Variants in SLC16A13 observed in about 807,000 individuals in gnomAD.
SLC16A13 encodes monocarboxylate transporter 13.
Under a neutral mutation model 28.1 loss-of-function variants are expected in SLC16A13, and 28 were observed. The ratio of observed to expected loss-of-function variants is 1.00; its 90% CI spans 0.74 to 1.37. SLC16A13 has a LOEUF of 1.37. Ranked by LOEUF, SLC16A13 falls within the 40% of genes most tolerant of loss-of-function variation. The probability of loss-of-function intolerance (pLI) is 0.00; values close to 1 mark genes in which losing one functional copy is unlikely to be tolerated. For missense variants in SLC16A13, 482 were observed against 531.8 expected (o/e 0.91, Z 0.92); for synonymous variants, 228 against 241.6 (o/e 0.94, Z 0.52).
In SLC16A13 at chr17:7,039,031, T is replaced by G. The variant is rs1910658444; in HGVS notation, c.1081+142T>G. On this transcript the variant is annotated intron_variant, in intron 3 of 3. Coordinates refer to ENST00000308027, the MANE Select transcript of SLC16A13 (RefSeq NM_201566.3). The surrounding 1 kb of genome is among the most constrained non-coding windows in gnomAD (Gnocchi z 4.3). ...CCTGCGTGGCCAACCATAGCATCCC[T>G]GAAATGGGTCCATGGGGCAAAGAAC... is the stretch of plus-strand genomic sequence containing the variant. 18 of 1,141,854 alleles carry G rather than the reference T, an allele frequency of 1.6e-5. No individual in the cohort carries two copies. The highest frequency in any genetic ancestry group is 1.4e-5 in the Non-Finnish European group (12 of 831,400). 70.7% of individuals were successfully genotyped at this position (1,141,854 alleles called of 1,614,324 possible). A position where few individuals can be genotyped will look rare whatever the true frequency, so the allele number is the denominator to read the frequency against.
Position 7,039,667 on chromosome 17 carries a change from AGAT to A in SLC16A13, c.1082-92_1082-90del. 1 of 1,290,340 alleles carries A rather than the reference AGAT, an allele frequency of 7.7e-7. No homozygotes were observed. 79.9% of individuals were successfully genotyped at this position (1,290,340 alleles called of 1,614,324 possible). On this transcript the variant is annotated intron_variant, in intron 3 of 3. Coordinates refer to ENST00000308027, the MANE Select transcript of SLC16A13 (RefSeq NM_201566.3). This position sits in a 1 kb window ranked among gnomAD's most constrained non-coding sequence, Gnocchi z 4.3. ...TTCCATGGGAGTTCCAACTCCTCTG[AGAT>A]GATAAGTCTTCCCTCCACCCAAAAA...
rs758503204 is a variant in SLC16A13 at position 7,036,427 on chromosome 17, G to A, written c.45G>A (p.Val15=). The change falls in exon 1 of 4, where the codon GTG becomes GTA. Residue 15 remains valine (V), a synonymous_variant. Transcript: ENST00000308027. The part of the protein sequence containing the change: ...TEPPDGGWGW[V]VVLSAFFQSA... ...CCCCCGACGGGGGCTGGGGATGGGT[G>A]GTGGTGCTCTCAGCGTTCTTCCAGT... 1.9e-6 allele frequency: 3 copies of A among 1,612,238 alleles called. No individual in the cohort carries two copies. The South Asian group carries it at 3.3e-5, about 18-fold the overall frequency.
chr17:7,036,302 G>A lies in SLC16A13; in HGVS notation c.-81G>A, dbSNP rs1910576906. 2.8e-6 allele frequency: 4 copies of A among 1,419,924 alleles called. No individual in the cohort carries two copies. Among genetic ancestry groups the A allele is most frequent in the Non-Finnish European group, 2.9e-6 (3 of 1,047,882 alleles). The allele number at this position is 1,419,924 out of a possible 1,614,324, so 88.0% of individuals were successfully genotyped here. A position where few individuals can be genotyped will look rare whatever the true frequency, so the allele number is the denominator to read the frequency against. On this transcript the variant is annotated 5_prime_UTR_variant, in exon 1 of 4. Coordinates refer to ENST00000308027, the MANE Select transcript of SLC16A13 (RefSeq NM_201566.3). ...CTCGGCCCCGAGCCACCCGGCAGCGGGGGTGGGTGTGCAGAGGTGCGGCGT... is the reference window on the plus strand; with the variant it reads ...CTCGGCCCCGAGCCACCCGGCAGCGAGGGTGGGTGTGCAGAGGTGCGGCGT...
Position 7,038,661 on chromosome 17 carries a change from A to T in SLC16A13, c.853A>T (p.Met285Leu). ...AVPGPVTRLL[M>L]LWTTLTGVSL... is the part of the protein sequence containing the mutation. ...CCCAGGGCCTGTGACACGACTCCTG[A>T]TGCTCTGGACCACCTTGACTGGGGT... is the stretch of plus-strand genomic sequence containing the variant. The change falls in exon 3 of 4, where the codon ATG (methionine) becomes TTG (leucine). Residue 285 changes from methionine to leucine, a missense_variant. By Grantham distance (15) the Met-to-Leu change is conservative (BLOSUM62 2). Coordinates refer to ENST00000308027, the MANE Select transcript of SLC16A13 (RefSeq NM_201566.3). The surrounding 1 kb of genome is among the most constrained non-coding windows in gnomAD (Gnocchi z 5.7). 1 of 1,614,006 alleles carries T rather than the reference A, an allele frequency of 6.2e-7. No individual in the cohort carries two copies. The highest frequency in any genetic ancestry group is 1.3e-5 in the African/African-American group (1 of 74,992).
At position 7,036,878 on chromosome 17, in the gene SLC16A13, C is replaced by T. The variant is rs1295255147; in HGVS notation, c.343+8C>T. The T allele has an allele frequency of 1.2e-6, 2 of 1,610,916 alleles. No homozygotes were observed. Among genetic ancestry groups the T allele is most frequent in the African/African-American group, 1.3e-5 (1 of 74,936 alleles). On this transcript the variant is annotated splice_region_variant and intron_variant, in intron 2 of 3. Coordinates refer to ENST00000308027, the MANE Select transcript of SLC16A13 (RefSeq NM_201566.3). ...GTATTGGGTTGCTGTCAGGTGAGAGCCTGCACAAGGGCAGGAGAGTCAAAT... is the reference window on the plus strand; with the variant it reads ...GTATTGGGTTGCTGTCAGGTGAGAGTCTGCACAAGGGCAGGAGAGTCAAAT...
Position 7,036,820 on chromosome 17 carries a change from CT to C in SLC16A13, c.297del (p.Phe99LeufsTer5), listed in dbSNP as rs770604804. The C allele has an allele frequency of 1.9e-6, 3 of 1,613,884 alleles. No individual in the cohort carries two copies. The highest frequency in any genetic ancestry group is 2.5e-6 in the Non-Finnish European group (3 of 1,180,044). Reference sequence around the variant, plus strand: ...GCTGCGCTGGGGATGCTGCTCGCCTCTTTTGCTACTTCCTTGACCCACCTAT... The same window carrying C: ...GCTGCGCTGGGGATGCTGCTCGCCTCTTTGCTACTTCCTTGACCCACCTAT... ...ILAALGMLLA[S>X]FATSLTHLYL... On this transcript the variant is annotated frameshift_variant, in exon 2 of 4. Coordinates refer to ENST00000308027, the MANE Select transcript of SLC16A13 (RefSeq NM_201566.3). LOFTEE classifies it high-confidence loss of function.
Position 7,036,849 on chromosome 17 carries a change from C to CT in SLC16A13, c.323dup (p.Ser109GlufsTer88), listed in dbSNP as rs747345206. On this transcript the variant is annotated frameshift_variant, in exon 2 of 4. Transcript: ENST00000308027. LOFTEE classifies it high-confidence loss of function. ...TGCTACTTCCTTGACCCACCTATAC[C>CT]TGAGTATTGGGTTGCTGTCAGGTGA... 6.8e-6 allele frequency: 11 copies of CT among 1,613,212 alleles called. No individual in the cohort carries two copies. In the East Asian group the frequency reaches 2.5e-4, roughly 36 times the overall value.
chr17:7,036,395 A>T lies in SLC16A13; in HGVS notation c.13A>T (p.Thr5Ser), dbSNP rs759013399. 4 of 1,611,312 alleles carry T rather than the reference A, an allele frequency of 2.5e-6. No individual in the cohort carries two copies. Among genetic ancestry groups the T allele is most frequent in the Non-Finnish European group, 2.5e-6 (3 of 1,179,640 alleles). Residue 5 changes from threonine (T) to serine (S), a missense_variant, in exon 1 of 4, where the codon ACA becomes TCA. Coordinates refer to ENST00000308027, the MANE Select transcript of SLC16A13 (RefSeq NM_201566.3). MARR[T>S]EPPDGGWGWV... The stretch of plus-strand genomic sequence containing the variant: ...TGTTACCGCTTAGATGGCGCGCAGG[A>T]CAGAGCCCCCCGACGGGGGCTGGGG...
At position 7,036,164 on chromosome 17, in the gene SLC16A13, C is replaced by T. The variant is rs188212524; in HGVS notation, c.-219C>T. The stretch of plus-strand genomic sequence containing the variant: ...AACCACGCCCCCGGGAGACTCTGGC[C>T]CGGCCAGCGCGGGCCAGGTCTTCAG... On this transcript the variant is annotated 5_prime_UTR_variant, in exon 1 of 4. Coordinates refer to ENST00000308027, the MANE Select transcript of SLC16A13 (RefSeq NM_201566.3). 5 of 506,288 alleles carry T rather than the reference C, an allele frequency of 9.9e-6. No homozygotes were observed. Among genetic ancestry groups the T allele is most frequent in the South Asian group, 9.6e-5 (3 of 31,314 alleles). 31.4% of individuals were successfully genotyped at this position (506,288 alleles called of 1,614,324 possible).
intron 2 of SLC16A13, among the ~76,000 whole-genome samples, chr17:7,037,685 C>A (rs372200877): frequency 6.6e-6 from 1 of 151,370 alleles, no homozygotes; most frequent in Non-Finnish European, 1.5e-5. Flanking sequence ...GAGATTGCAC[C>A]ACTGCACTCC....
Position 7,038,724 on chromosome 17 carries a change from GC to G in SLC16A13, c.919del (p.Leu307TrpfsTer26), listed in dbSNP as rs1910646460. 1 of 1,614,034 alleles carries G rather than the reference GC, an allele frequency of 6.2e-7. No individual in the cohort carries two copies. The highest frequency in any genetic ancestry group is 8.5e-7 in the Non-Finnish European group (1 of 1,180,032). ...ALFPVAQAPT[A>X]LVALAVAYGF... ...GTTCCCTGTAGCTCAGGCTCCCACA[GC>G]CCTGGTGGCTCTGGCTGTGGCCTAC... is the stretch of plus-strand genomic sequence containing the variant. On this transcript the variant is annotated frameshift_variant, in exon 3 of 4. Transcript: ENST00000308027. LOFTEE classifies it high-confidence loss of function. The surrounding 1 kb of genome is among the most constrained non-coding windows in gnomAD (Gnocchi z 5.7).
rs1412987541 is a variant in SLC16A13 at position 7,036,269 on chromosome 17, C to T, written c.-114C>T. 2 of 1,101,392 alleles carry T rather than the reference C, an allele frequency of 1.8e-6. No individual in the cohort carries two copies. Among genetic ancestry groups the T allele is most frequent in the South Asian group, 1.5e-5 (1 of 65,560 alleles). The allele number at this position is 1,101,392 out of a possible 1,614,324, so 68.2% of individuals were successfully genotyped here. Reference sequence around the variant, plus strand: ...GGCCCTTCCTCTCTACCTGCCTCTCCAACCCCTCTCGGCCCCGAGCCACCC... The same window carrying T: ...GGCCCTTCCTCTCTACCTGCCTCTCTAACCCCTCTCGGCCCCGAGCCACCC... On this transcript the variant is annotated 5_prime_UTR_variant, in exon 1 of 4. Transcript: ENST00000308027.
rs753735594 is a variant in SLC16A13, at chr17:7,038,796, C to G, written c.988C>G (p.Pro330Ala). 4.3e-6 allele frequency: 7 copies of G among 1,613,872 alleles called. No individual in the cohort carries two copies. In the East Asian group the frequency reaches 1.3e-4, roughly 31 times the overall value. ...ALAPLAFSVL[P>A]ELIGTRRIYC... Reference sequence around the variant, plus strand: ...GGCCCCACTGGCCTTCTCCGTGCTGCCTGAACTAATAGGGACTAGAAGGAT... The same window carrying G: ...GGCCCCACTGGCCTTCTCCGTGCTGGCTGAACTAATAGGGACTAGAAGGAT... Residue 330 changes from proline to alanine, a missense_variant, in exon 3 of 4, where the codon CCT becomes GCT. Pro to Ala is a conservative substitution (Grantham distance 27). Coordinates refer to ENST00000308027, the MANE Select transcript of SLC16A13 (RefSeq NM_201566.3). The surrounding 1 kb of genome is among the most constrained non-coding windows in gnomAD (Gnocchi z 5.7).
Position 7,036,412 on chromosome 17 carries a change from G to A in SLC16A13, c.30G>A (p.Gly10=). ...CGCGCAGGACAGAGCCCCCCGACGGGGGCTGGGGATGGGTGGTGGTGCTCT... is the reference window on the plus strand; with the variant it reads ...CGCGCAGGACAGAGCCCCCCGACGGAGGCTGGGGATGGGTGGTGGTGCTCT... MARRTEPPD[G]GWGWVVVLSA... Residue 10 remains glycine, a synonymous_variant, in exon 1 of 4, where the codon GGG becomes GGA. Coordinates refer to ENST00000308027, the MANE Select transcript of SLC16A13 (RefSeq NM_201566.3). 1.2e-6 allele frequency: 2 copies of A among 1,611,862 alleles called. No homozygotes were observed. Among genetic ancestry groups the A allele is most frequent in the Non-Finnish European group, 1.7e-6 (2 of 1,179,870 alleles).
Position 7,040,057 on chromosome 17 carries a change from T to A in SLC16A13, c.*95T>A. ...TCCACAGAACCACAGTGCCTTAAGA[T>A]TCTTGATCTGCCTCCCCCTAGAGCA... On this transcript the variant is annotated 3_prime_UTR_variant, in exon 4 of 4. Coordinates refer to ENST00000308027, the MANE Select transcript of SLC16A13 (RefSeq NM_201566.3). The A allele has an allele frequency of 2.6e-6, 3 of 1,148,142 alleles. No individual in the cohort carries two copies. Among genetic ancestry groups the A allele is most frequent in the Non-Finnish European group, 3.8e-6 (3 of 796,056 alleles). The allele number at this position is 1,148,142 out of a possible 1,614,324, so 71.1% of individuals were successfully genotyped here.
At position 7,036,732 on chromosome 17, in the gene SLC16A13, G is replaced by A. The variant is rs756256627; in HGVS notation, c.205G>A (p.Val69Ile). ...CGCCCCTTCCACTTCCTCAGGCCCG[G>A]TAGGCAGTGCCCTGAGCACGAAGTT... ...GIAVQQFGSPVGSALSTKFGP... is the reference protein window; with the variant it reads ...GIAVQQFGSPIGSALSTKFGP... The change falls in exon 2 of 4, where the codon GTA becomes ATA. Residue 69 changes from valine (V) to isoleucine (I), a missense_variant. By Grantham distance (29) the Val-to-Ile change is conservative (BLOSUM62 3). Transcript: ENST00000308027. The A allele has an allele frequency of 2.7e-5, 44 of 1,612,492 alleles. No homozygotes were observed. In the Admixed American group the frequency reaches 7.2e-4, roughly 26 times the overall value.
In SLC16A13 at chr17:7,038,560, C is replaced by CT; in HGVS notation, c.753dup (p.Ala252CysfsTer11). The CT allele has an allele frequency of 6.2e-7, 1 of 1,614,256 alleles. No individual in the cohort carries two copies. Among genetic ancestry groups the CT allele is most frequent in the Non-Finnish European group, 8.5e-7 (1 of 1,180,050 alleles). ...GACCTGGATTGGGACCCACTACCTG[C>CT]TGCCTTCCTACTCTCAGTTGTTGCT... On this transcript the variant is annotated frameshift_variant, in exon 3 of 4. Coordinates refer to ENST00000308027, the MANE Select transcript of SLC16A13 (RefSeq NM_201566.3). LOFTEE classifies it high-confidence loss of function. The surrounding 1 kb of genome is among the most constrained non-coding windows in gnomAD (Gnocchi z 5.7).
Position 7,039,023 on chromosome 17 carries a change from A to G in SLC16A13, c.1081+134A>G. On this transcript the variant is annotated intron_variant, in intron 3 of 3. Transcript: ENST00000308027. The surrounding 1 kb of genome is among the most constrained non-coding windows in gnomAD (Gnocchi z 4.3). ...GTACACAGCCTGCGTGGCCAACCAT[A>G]GCATCCCTGAAATGGGTCCATGGGG... 1 of 1,208,756 alleles carries G rather than the reference A, an allele frequency of 8.3e-7. No homozygotes were observed. The allele number at this position is 1,208,756 out of a possible 1,614,324, so 74.9% of individuals were successfully genotyped here.
rs1910624628 is a variant in SLC16A13, at chr17:7,037,816, C to G, written c.344-336C>G. ...TTACAGCTGGGGAAAAGCTTTAAAG[C>G]TTATACAACTTGGCAAATGAAGGTC... On this transcript the variant is annotated intron_variant, in intron 2 of 3. Transcript: ENST00000308027. 1.4e-4 allele frequency among the ~76,000 whole-genome samples: 22 copies of G among 152,226 alleles called. No homozygotes were observed. The South Asian group carries it at 4.1e-3, about 29-fold the overall frequency.
Sources: gnomAD v4.1 joint callset for allele counts (sites outside exome capture counted in the v4.1 genomes callset) on GRCh38, gnomAD v4.1.1 for gene constraint, Gnocchi (gnomAD v3.1) non-coding constraint, MANE v1.5 for transcripts, NCBI Gene and HGNC (gene_info 2026-07-23, HGNC 2026-07-21) for gene names.